Variants in PRKD2 observed in about 807,000 individuals in gnomAD.
PRKD2 encodes the protein protein kinase D2.
A neutral mutation model predicts 86.0 loss-of-function variants in PRKD2; 22 were observed. That is an observed-to-expected ratio of 0.26 (90% CI 0.18 to 0.37). The LOEUF (loss-of-function observed/expected upper bound fraction) is 0.37. Ranked by LOEUF, PRKD2 falls within the 10% of genes least tolerant of loss-of-function variation. The pLI, the probability that PRKD2 is intolerant of heterozygous loss-of-function variation, is 1.00. For synonymous variants in PRKD2, 509 were observed against 510.9 expected (o/e 1.00, Z 0.05); for missense variants, 818 against 1,199.2 (o/e 0.68, Z 4.70).
rs757641367 is a variant in PRKD2 at position 46,693,337 on chromosome 19, A to G, written c.1576+538T>C. ...CACAGAGGAGGCACTCAGTAAGTGCATGAGGACTTATCAGCACCTGGGACA... is the reference window on the plus strand; with the variant it reads ...CACAGAGGAGGCACTCAGTAAGTGCGTGAGGACTTATCAGCACCTGGGACA... On this transcript the variant is annotated intron_variant, in intron 10 of 17. Coordinates refer to ENST00000291281, the MANE Select transcript of PRKD2 (RefSeq NM_016457.5). This position sits in a 1 kb window ranked among gnomAD's most constrained non-coding sequence, Gnocchi z 4.5. Among the ~76,000 whole-genome samples the G allele has an allele frequency of 1.2e-4, 18 of 152,246 alleles. No individual in the cohort carries two copies. Among genetic ancestry groups the G allele is most frequent in the African/African-American group, 1.7e-4 (7 of 41,470 alleles).
At chr19:46,704,688 C>T (rs1213222955) in intron 3 of PRKD2, 39 bp from the exon 4 acceptor site, 2 of 1,559,618 alleles carry the variant, frequency 1.3e-6, no homozygotes, top group African/African-American at 1.4e-5. Context: ...ATGGCGTCTG[C>T]CCCTCCTAGG....
chr19:46,693,058 T>C lies in PRKD2; in HGVS notation c.1576+817A>G, dbSNP rs186978839. ...TGCCTAAAATGACCTCCCATTTTCT[T>C]TCCCACATCTCACCCTGCCTCGGCC... On this transcript the variant is annotated intron_variant, in intron 10 of 17. Coordinates refer to ENST00000291281, the MANE Select transcript of PRKD2 (RefSeq NM_016457.5). The surrounding 1 kb of genome is among the most constrained non-coding windows in gnomAD (Gnocchi z 4.5). Among the ~76,000 whole-genome samples the C allele has an allele frequency of 2.0e-5, 3 of 152,280 alleles. No homozygotes were observed. Among genetic ancestry groups the C allele is most frequent in the African/African-American group, 4.8e-5 (2 of 41,560 alleles).
At chr19:46,676,476 T>C (rs2053205246) in intron 16 of PRKD2, among the ~76,000 whole-genome samples, 2 of 152,202 alleles carry the variant, frequency 1.3e-5, no homozygotes, top group Admixed American at 1.3e-4. Context: ...TTAGTCACCA[T>C]TGCCTGCAGA....
chr19:46,678,675 A>C lies in PRKD2; in HGVS notation c.2071-12T>G, dbSNP rs2053249310. 6.3e-7 allele frequency: 1 copy of C among 1,598,428 alleles called. No individual in the cohort carries two copies. Among genetic ancestry groups the C allele is most frequent in the African/African-American group, 1.3e-5 (1 of 74,862 alleles). The stretch of plus-strand genomic sequence containing the variant: ...TCACACAGCTTCACCTGCAGAGGGC[A>C]AGGGATGGAGGCTCCACCAGGTGAT... On this transcript the variant is annotated splice_polypyrimidine_tract_variant and intron_variant, in intron 15 of 17. Transcript: ENST00000291281. This position sits in a 1 kb window ranked among gnomAD's most constrained non-coding sequence, Gnocchi z 5.7.
chr19:46,708,466 C>T (rs2053750339), intron 3 of PRKD2, among the ~76,000 whole-genome samples: 1 of 151,862 alleles, frequency 6.6e-6, no homozygotes, highest in Non-Finnish European at 1.5e-5. Flanking sequence ...TAGAGGTATG[C>T]ACCACCATGC....
intron 14 of PRKD2, among the ~76,000 whole-genome samples, chr19:46,686,333 C>A (rs1407283602): frequency 6.6e-6 from 1 of 151,658 alleles, no homozygotes; most frequent in African/African-American, 2.4e-5. Context: ...CCTGTCTCTA[C>A]AAAAACATAA....
chr19:46,682,774 C>T (rs1011084433), intron 14 of PRKD2, among the ~76,000 whole-genome samples: 5 of 146,756 alleles, frequency 3.4e-5, no homozygotes, highest in Non-Finnish European at 4.5e-5. Context: ...GGCGGGATCA[C>T]AGCTCACTGC....
intron 8 of PRKD2, chr19:46,697,471 T>G: frequency 3.6e-6 from 2 of 561,552 alleles, no homozygotes; most frequent in Non-Finnish European, 3.1e-6. Context: ...TTAGCCCTCT[T>G]CCTCCAGCCA....
intron 5 of PRKD2, among the ~76,000 whole-genome samples, chr19:46,702,046 T>TTG (rs2053644621): frequency 6.6e-6 from 1 of 150,390 alleles, no homozygotes; most frequent in South Asian, 2.1e-4. Context: ...TTGTTTTTTT[T>TTG]TTTTTTTTTT....
rs776490326 is a variant in PRKD2 at position 46,681,763 on chromosome 19, T to A, written c.1972-15A>T. 6.4e-7 allele frequency: 1 copy of A among 1,569,442 alleles called. No individual in the cohort carries two copies. Among genetic ancestry groups the A allele is most frequent in the Non-Finnish European group, 8.8e-7 (1 of 1,140,386 alleles). ...GCCACCAGGATCTGAGGGGAGCAGATGGGCCCAGTAAGAAAGGTAGATAGG... is the reference window on the plus strand; with the variant it reads ...GCCACCAGGATCTGAGGGGAGCAGAAGGGCCCAGTAAGAAAGGTAGATAGG... On this transcript the variant is annotated splice_polypyrimidine_tract_variant and intron_variant, in intron 14 of 17. Transcript: ENST00000291281.
intron 2 of PRKD2, among the ~76,000 whole-genome samples, chr19:46,713,047 C>A (rs2122173572): frequency 6.6e-6 from 1 of 151,550 alleles, no homozygotes; most frequent in Admixed American, 6.6e-5. Context: ...GAGATAGGGT[C>A]TCTCTCTGTT....
Position 46,690,653 on chromosome 19 carries a change from G to A in PRKD2, c.1756C>T (p.Arg586Cys), listed in dbSNP as rs2053470452. 3 of 1,614,166 alleles carry A rather than the reference G, an allele frequency of 1.9e-6. No homozygotes were observed. Among genetic ancestry groups the A allele is most frequent in the Non-Finnish European group, 8.5e-7 (1 of 1,180,028 alleles). ...TGGCTCTCCTGCTTGGTAGGGAAGCGCAGTTTGTCAATGACCTTAACTGCC... is the reference window on the plus strand; with the variant it reads ...TGGCTCTCCTGCTTGGTAGGGAAGCACAGTTTGTCAATGACCTTAACTGCC... The part of the protein sequence containing the change: ...DVAVKVIDKL[R>C]FPTKQESQLR... The change falls in exon 13 of 18, where the codon CGC becomes TGC. Residue 586 changes from arginine (R) to cysteine (C), a missense_variant. Around this residue, in one of 5 missense-constraint regions of PRKD2, gnomAD observed 154 missense variants for 359.6 expected, o/e 0.43. Coordinates refer to ENST00000291281, the MANE Select transcript of PRKD2 (RefSeq NM_016457.5).
chr19:46,697,972 T>G, intron 7 of PRKD2, 122 bp from the exon 8 acceptor site: 1 of 792,588 alleles, frequency 1.3e-6, no homozygotes. Context: ...TTTGGTTTGT[T>G]TTGACATTTT....
chr19:46,704,753 C>A, intron 3 of PRKD2, 104 bp from the exon 4 acceptor site: 1 of 1,406,610 alleles, frequency 7.1e-7, no homozygotes, highest in Non-Finnish European at 9.5e-7. Context: ...GGTCCTGTCC[C>A]ATCACCCCCC....
chr19:46,712,269 G>A (rs771515897), intron 2 of PRKD2, among the ~76,000 whole-genome samples: 5 of 149,886 alleles, frequency 3.3e-5, no homozygotes, highest in African/African-American at 4.9e-5. Context: ...GGCCGGGAGC[G>A]GTGGCTCACA....
chr19:46,678,541 C>G lies in PRKD2; in HGVS notation c.2193G>C (p.Ser731=). The G allele has an allele frequency of 6.2e-7, 1 of 1,614,198 alleles. No individual in the cohort carries two copies. The highest frequency in any genetic ancestry group is 8.5e-7 in the Non-Finnish European group (1 of 1,180,040). The change falls in exon 16 of 18, where the codon TCG becomes TCC. Residue 731 remains serine (S), a synonymous_variant. Transcript: ENST00000291281. This position sits in a 1 kb window ranked among gnomAD's most constrained non-coding sequence, Gnocchi z 5.7. ...EVLLNQGYNR[S]LDMWSVGVIM... is the part of the protein sequence containing the mutation. ...TCACGCCCACTGACCACATGTCCAG[C>G]GAGCGGTTGTAGCCCTGGTTGAGCA...
chr19:46,711,132 C>T (rs2053802716), intron 2 of PRKD2, 94 bp from the exon 3 acceptor site: 22 of 1,455,058 alleles, frequency 1.5e-5, no homozygotes, highest in Non-Finnish European at 1.9e-5. Context: ...TGCTCCCAGC[C>T]GCAAGGTGTG....
At chr19:46,697,293 C>T in intron 8 of PRKD2, 59 bp from the exon 9 acceptor site, 2 of 1,332,466 alleles carry the variant, frequency 1.5e-6, no homozygotes, top group Non-Finnish European at 2.1e-6. Flanking sequence ...AGTCCCTATC[C>T]CGTGGAGCTG....
rs903560915 is a variant in PRKD2 at position 46,704,246 on chromosome 19, C to T, written c.812G>A (p.Ser271Asn). The change falls in exon 5 of 18, where the codon AGC becomes AAC. Residue 271 changes from serine to asparagine, a missense_variant. Ser to Asn is a conservative substitution (Grantham distance 46, BLOSUM62 1). Transcript: ENST00000291281. ...CTGGCAAACGGTGGGCCGTGTATAG[C>T]TGTGGATGAGGAAGGTGTGCGGCAC... ...VKVPHTFLIH[S>N]YTRPTVCQAC... 3 of 1,614,086 alleles carry T rather than the reference C, an allele frequency of 1.9e-6. No individual in the cohort carries two copies. Among genetic ancestry groups the T allele is most frequent in the Non-Finnish European group, 2.5e-6 (3 of 1,180,050 alleles).
Sources: allele counts gnomAD v4.1 joint callset (sites outside exome capture counted in the v4.1 genomes callset), GRCh38; gene constraint gnomAD v4.1.1; regional missense constraint gnomAD v4.1.1; non-coding constraint Gnocchi (gnomAD v3.1); transcripts MANE v1.5; gene names NCBI Gene and HGNC (gene_info 2026-07-23, HGNC 2026-07-21).